Variants in PLEKHM3 observed in about 807,000 individuals in gnomAD.
The protein encoded by PLEKHM3 is pleckstrin homology domain containing M3.
In PLEKHM3, 45 loss-of-function variants were observed where a neutral mutation model predicts 81.8. The ratio of observed to expected loss-of-function variants is 0.55; its 90% CI spans 0.43 to 0.71. PLEKHM3 has a LOEUF of 0.71. PLEKHM3 is among the 30% of genes least tolerant of loss of function. PLEKHM3 has a pLI of 0.00. For missense variants in PLEKHM3, 788 were observed against 924.3 expected, an observed-to-expected ratio of 0.85 and a Z score of 1.91; for synonymous variants, 352 against 356.4, an observed-to-expected ratio of 0.99 and a Z score of 0.14.
At chr2:207,994,372 T>C (rs182651569) in intron 2 of PLEKHM3, among the ~76,000 whole-genome samples, 3 of 152,336 alleles carry the variant, frequency 2.0e-5, no homozygotes, top group East Asian at 3.9e-4. Flanking sequence ...TATGATTGTG[T>C]CATTACTCAA....
At chr2:208,008,952 G>A (rs1692597335) in intron 1 of PLEKHM3, among the ~76,000 whole-genome samples, 1 of 152,124 alleles carries the variant, frequency 6.6e-6, no homozygotes, top group South Asian at 2.1e-4. Flanking sequence ...ATTGACTTCT[G>A]GTCCTATGTT....
intron 2 of PLEKHM3, among the ~76,000 whole-genome samples, chr2:207,996,381 T>C (rs574642282): frequency 6.6e-6 from 1 of 152,338 alleles, no homozygotes; most frequent in Admixed American, 6.5e-5. Context: ...GAGTCATTTT[T>C]TCTAGAAAGA....
At position 207,976,458 on chromosome 2, in the gene PLEKHM3, T is replaced by C. The variant is rs1162170470; in HGVS notation, c.1546+193A>G. 1.3e-5 allele frequency among the ~76,000 whole-genome samples: 2 copies of C among 152,234 alleles called. No homozygotes were observed. Among genetic ancestry groups the C allele is most frequent in the East Asian group, 1.9e-4 (1 of 5,196 alleles). On this transcript the variant is annotated intron_variant, in intron 3 of 7. Coordinates refer to ENST00000427836, the MANE Select transcript of PLEKHM3 (RefSeq NM_001080475.3). The surrounding 1 kb of genome is among the most constrained non-coding windows in gnomAD (Gnocchi z 4.1). ...TTACTTCAACAGCATGGGATAAAGA[T>C]GGTTGTCCTTATGTTTTAATATAGT... is the stretch of plus-strand genomic sequence containing the variant.
In PLEKHM3 at chr2:207,828,462, A is replaced by G. The variant is rs779956905; in HGVS notation, c.2143T>C (p.Cys715Arg). ...ESCGAVFHSE[C>R]KEKSVPCPRC... ...GGGCAGGGGACAGACTTTTCTTTGC[A>G]TTCAGAATGGAAAACGGCTCCACAG... Residue 715 changes from cysteine (C) to arginine (R), a missense_variant, in exon 8 of 8, where the codon TGC becomes CGC. Coordinates refer to ENST00000427836, the MANE Select transcript of PLEKHM3 (RefSeq NM_001080475.3). The G allele has an allele frequency of 3.1e-6, 5 of 1,613,952 alleles. No homozygotes were observed. In the African/African-American group the frequency reaches 6.7e-5, roughly 22 times the overall value.
intron 3 of PLEKHM3, among the ~76,000 whole-genome samples, chr2:207,971,053 GA>G (rs1227595136): frequency 6.6e-6 from 1 of 152,208 alleles, no homozygotes; most frequent in Non-Finnish European, 1.5e-5. Context: ...TCAGAATTGG[GA>G]ACACTGCCCT....
At chr2:207,918,345 AC>A (rs1441625890) in intron 5 of PLEKHM3, among the ~76,000 whole-genome samples, 1 of 152,016 alleles carries the variant, frequency 6.6e-6, no homozygotes, top group African/African-American at 2.4e-5. Flanking sequence ...ACACGGTGAA[AC>A]CCCGTCTCTA....
intron 5 of PLEKHM3, among the ~76,000 whole-genome samples, chr2:207,923,275 G>C (rs1235093207): frequency 6.6e-6 from 1 of 152,030 alleles, no homozygotes; most frequent in Non-Finnish European, 1.5e-5. Flanking sequence ...GGGGAGGTAG[G>C]ATCCCCAGCT....
chr2:207,948,591 T>C (rs1183529835), intron 3 of PLEKHM3, among the ~76,000 whole-genome samples: 2 of 149,186 alleles, frequency 1.3e-5, no homozygotes, highest in Non-Finnish European at 3.0e-5. Context: ...TCACCCAGGC[T>C]GGAGTGCGGT....
intron 7 of PLEKHM3, among the ~76,000 whole-genome samples, chr2:207,829,559 G>A (rs1279648440): frequency 6.6e-6 from 1 of 152,170 alleles, no homozygotes; most frequent in Non-Finnish European, 1.5e-5. Flanking sequence ...TTACAGGTGT[G>A]AGCCACTGCA....
intron 4 of PLEKHM3, among the ~76,000 whole-genome samples, chr2:207,932,607 A>G (rs938462364): frequency 1.1e-4 from 17 of 152,346 alleles, no homozygotes; most frequent in African/African-American, 3.8e-4. Flanking sequence ...ACTGTGTAGT[A>G]TGAGACAAGT....
At chr2:207,917,828 C>T (rs765417701) in intron 5 of PLEKHM3, among the ~76,000 whole-genome samples, 7 of 152,026 alleles carry the variant, frequency 4.6e-5, no homozygotes, top group Non-Finnish European at 1.0e-4. Context: ...ACAGTGATAC[C>T]TTGTCTCAAA....
At chr2:207,845,621 A>G (rs1244301459) in intron 7 of PLEKHM3, among the ~76,000 whole-genome samples, 1 of 152,240 alleles carries the variant, frequency 6.6e-6, no homozygotes, top group Non-Finnish European at 1.5e-5. Flanking sequence ...CCATCACTCA[A>G]TAAAGTCACA....
intron 6 of PLEKHM3, among the ~76,000 whole-genome samples, chr2:207,875,722 C>T (rs991322060): frequency 6.6e-6 from 1 of 152,100 alleles, no homozygotes; most frequent in Non-Finnish European, 1.5e-5. Context: ...CTTGTAGTCT[C>T]AGCTACTTAG....
intron 7 of PLEKHM3, among the ~76,000 whole-genome samples, 191 bp downstream of exon 7, chr2:207,860,914 G>C (rs1049676061): frequency 6.6e-6 from 1 of 152,176 alleles, no homozygotes; most frequent in Non-Finnish European, 1.5e-5. Context: ...TCTGGATAAA[G>C]GTAGCGAGGT....
At chr2:207,999,484 T>C (rs1295472522) in intron 2 of PLEKHM3, among the ~76,000 whole-genome samples, 2 of 152,080 alleles carry the variant, frequency 1.3e-5, no homozygotes, top group Non-Finnish European at 2.9e-5. Context: ...GGCCTGCCTG[T>C]AGTCCCAGCT....
chr2:207,940,741 G>T (rs1256653800), intron 4 of PLEKHM3, among the ~76,000 whole-genome samples: 3 of 152,206 alleles, frequency 2.0e-5, no homozygotes, highest in African/African-American at 7.2e-5. Context: ...AGTCAATGGG[G>T]AATGGTGAGG....
Position 207,963,269 on chromosome 2 carries a change from T to C in PLEKHM3, c.1546+13382A>G, listed in dbSNP as rs1392554183. On this transcript the variant is annotated intron_variant, in intron 3 of 7. Transcript: ENST00000427836. ...GGCTCTAAGGTGGGTGAGCAGAAAG[T>C]GGTGCATCTGAGGAACAGAAGAAAG... Among the ~76,000 whole-genome samples the C allele has an allele frequency of 6.6e-5, 10 of 152,148 alleles. No homozygotes were observed. In the East Asian group the frequency reaches 1.9e-3, roughly 29 times the overall value.
chr2:207,902,984 C>T (rs1688489702), intron 6 of PLEKHM3, among the ~76,000 whole-genome samples: 1 of 152,072 alleles, frequency 6.6e-6, no homozygotes, highest in Non-Finnish European at 1.5e-5. Flanking sequence ...AGGTAGTGTA[C>T]ATCTGGTCAC....
chr2:207,865,801 A>AAAAAAAAAAAAAAAAAAAAATAT, intron 6 of PLEKHM3, among the ~76,000 whole-genome samples: 1 of 25,300 alleles, frequency 4.0e-5, no homozygotes, highest in Non-Finnish European at 7.6e-5. Flanking sequence ...AAAAAAAAAA[A>AAAAAAAAAAAAAAAAAAAAATAT]AGATATATAT....
Sources: gnomAD v4.1 joint callset for allele counts (sites outside exome capture counted in the v4.1 genomes callset) on GRCh38, gnomAD v4.1.1 for gene constraint, Gnocchi (gnomAD v3.1) non-coding constraint, MANE v1.5 for transcripts, NCBI Gene and HGNC (gene_info 2026-07-23, HGNC 2026-07-21) for gene names.